Variants in AIFM3 observed in about 807,000 individuals in gnomAD.
AIFM3 encodes AIF family member 3.
Under a neutral mutation model 82.7 loss-of-function variants are expected in AIFM3, and 71 were observed. That is an observed-to-expected ratio of 0.86 (90% CI 0.71 to 1.05). The LOEUF is 1.05. AIFM3 is among the 50% of genes least tolerant of loss of function. AIFM3 has a pLI of 0.00. For synonymous variants in AIFM3, 337 were observed against 329.1 expected (o/e 1.02, Z -0.26); for missense variants, 748 against 816.7 (o/e 0.92, Z 1.03).
intron 18 of AIFM3, 153 bp downstream of exon 18, chr22:20,979,855 G>A (rs1156834909): frequency 3.4e-6 from 4 of 1,177,268 alleles, no homozygotes; most frequent in Non-Finnish European, 4.8e-6. Context: ...GCTTGTGCAC[G>A]GTCAAGCCGC....
At chr22:20,971,495 G>C (rs562413755) in intron 2 of AIFM3, among the ~76,000 whole-genome samples, 33 of 152,220 alleles carry the variant, frequency 2.2e-4, no homozygotes, top group Non-Finnish European at 3.8e-4. Flanking sequence ...GGGCTGGGCA[G>C]CCAGGAGAGG....
chr22:20,968,043 CCCT>C, intron 2 of AIFM3, 68 bp downstream of exon 2: 1 of 1,489,356 alleles, frequency 6.7e-7, no homozygotes, highest in Non-Finnish European at 9.1e-7. Context: ...CGTCTCCCCC[CCCT>C]CCCCCTCTGC....
chr22:20,980,936 C>T, intron 20 of AIFM3, 56 bp from the exon 21 acceptor site: 1 of 1,613,614 alleles, frequency 6.2e-7, no homozygotes, highest in Non-Finnish European at 8.5e-7. Context: ...TCAGGGTGCC[C>T]AGAGTGGAGA....
In AIFM3 at chr22:20,974,619, C is replaced by T; in HGVS notation, c.605C>T (p.Ala202Val). 1.2e-6 allele frequency: 2 copies of T among 1,613,526 alleles called. No individual in the cohort carries two copies. The highest frequency in any genetic ancestry group is 1.7e-6 in the Non-Finnish European group (2 of 1,179,782). ...AGCACCAATGTGCTCATTGTGGGTG[C>T]AGGTTGGTAGTGGGGTCATGAGGGG... Reference protein sequence around the residue: ...SSSTNVLIVGAGAAGLVCAET... With the variant: ...SSSTNVLIVGVGAAGLVCAET... Residue 202 changes from alanine (A) to valine (V), a missense_variant and splice_region_variant, in exon 7 of 21, where the codon GCA (alanine) becomes GTA (valine). Physicochemically the swap from Ala to Val is moderately conservative, Grantham distance 64 (BLOSUM62 0). This residue lies in a region of AIFM3 where 393 missense variants were observed against 481.1 expected (regional missense o/e 0.82). Transcript: ENST00000440238.
At chr22:20,979,129 G>A (rs1723593560) in intron 16 of AIFM3, 142 bp from the exon 17 acceptor site, 7 of 830,742 alleles carry the variant, frequency 8.4e-6, no homozygotes, top group Non-Finnish European at 1.4e-5. Context: ...GTGAGCAGTG[G>A]GCTGAACAAT....
intron 3 of AIFM3, 116 bp downstream of exon 3, chr22:20,973,636 G>T (rs1923422175): frequency 1.4e-6 from 2 of 1,400,206 alleles, no homozygotes; most frequent in Non-Finnish European, 1.9e-6. Context: ...TGCTGCCCTG[G>T]TCACTGCCTT....
intron 2 of AIFM3, 61 bp from the exon 3 acceptor site, chr22:20,973,246 T>C (rs758353970): frequency 1.9e-6 from 3 of 1,539,232 alleles, no homozygotes; most frequent in African/African-American, 2.7e-5. Context: ...TGCACCCAGC[T>C]TGAGGGATGG....
rs376685162 is a variant in AIFM3, at chr22:20,976,179, T to C, written c.808-36T>C. 7.1e-6 allele frequency: 10 copies of C among 1,416,824 alleles called. No individual in the cohort carries two copies. The Admixed American group carries it at 1.1e-4, about 16-fold the overall frequency. The allele number at this position is 1,416,824 out of a possible 1,614,324, so 87.8% of individuals were successfully genotyped here. ...GAGTGGGCGGCGAGGCCCAGCCCCA[T>C]GCCCAAGCTCATGCTCTGCCTGGTG... On this transcript the variant is annotated intron_variant, in intron 9 of 20. Transcript: ENST00000440238.
chr22:20,974,477 T>G (rs1923496674), intron 6 of AIFM3, 48 bp from the exon 7 acceptor site: 2 of 1,586,498 alleles, frequency 1.3e-6, no homozygotes, highest in African/African-American at 2.7e-5. Flanking sequence ...GCCAGGATGA[T>G]GGCATGCAGA....
At chr22:20,976,033 G>A (rs1923624837) in intron 9 of AIFM3, among the ~76,000 whole-genome samples, 182 bp from the exon 10 acceptor site, 1 of 152,260 alleles carries the variant, frequency 6.6e-6, no homozygotes, top group Non-Finnish European at 1.5e-5. Context: ...GGAGGGTAAG[G>A]AGAGGTTTGA....
Position 20,980,120 on chromosome 22 carries a change from G to C in AIFM3, c.1753G>C (p.Val585Leu). The change falls in exon 19 of 21, where the codon GTG becomes CTG. Residue 585 changes from valine to leucine, a missense_variant. By Grantham distance (32) the Val-to-Leu change is conservative. Coordinates refer to ENST00000440238, the MANE Select transcript of AIFM3 (RefSeq NM_001386814.1). ...AGGCCGTGCCATCCGGAAGCGGGAG[G>C]TGGAGTGAGTGTGGGTGTGGGAAGC... Reference protein sequence around the residue: ...ASGRAIRKREVELFVLHSKTG... With the variant: ...ASGRAIRKRELELFVLHSKTG... 1 of 1,606,828 alleles carries C rather than the reference G, an allele frequency of 6.2e-7. No homozygotes were observed. Among genetic ancestry groups the C allele is most frequent in the Non-Finnish European group, 8.5e-7 (1 of 1,179,916 alleles).
intron 17 of AIFM3, 26 bp downstream of exon 17, chr22:20,979,395 C>T: frequency 4.2e-6 from 2 of 472,670 alleles, no homozygotes; most frequent in Non-Finnish European, 2.9e-6. Flanking sequence ...CGGATGGGGG[C>T]GGGGCCGAGG....
In AIFM3 at chr22:20,967,863, C is replaced by T. The variant is rs759899458; in HGVS notation, c.-82C>T. On this transcript the variant is annotated 5_prime_UTR_variant, in exon 2 of 21. Coordinates refer to ENST00000440238, the MANE Select transcript of AIFM3 (RefSeq NM_001386814.1). ...AGCGTCTCTAAGGCCTGCAGGGGGT[C>T]CAGCCCCATGGGGGGCGCCCTAGGC... is the stretch of plus-strand genomic sequence containing the variant. 3 of 1,514,676 alleles carry T rather than the reference C, an allele frequency of 2.0e-6. No homozygotes were observed. Among genetic ancestry groups the T allele is most frequent in the Non-Finnish European group, 2.7e-6 (3 of 1,091,260 alleles). The allele number at this position is 1,514,676 out of a possible 1,614,324, so 93.8% of individuals were successfully genotyped here.
In AIFM3 at chr22:20,981,156, G is replaced by A. The variant is rs772857822; in HGVS notation, c.*125G>A. 4.1e-5 allele frequency: 56 copies of A among 1,369,680 alleles called. No homozygotes were observed. Among genetic ancestry groups the A allele is most frequent in the Non-Finnish European group, 5.1e-5 (51 of 993,080 alleles). 84.8% of individuals were successfully genotyped at this position (1,369,680 alleles called of 1,614,324 possible). ...CAGAACCTGAGCCCTCCCAGTGCTT[G>A]CCTTCAGCCACCTGGCTCCCCTCCT... On this transcript the variant is annotated 3_prime_UTR_variant, in exon 21 of 21. Coordinates refer to ENST00000440238, the MANE Select transcript of AIFM3 (RefSeq NM_001386814.1).
intron 17 of AIFM3, 34 bp downstream of exon 17, chr22:20,979,403 AG>A: frequency 1.8e-6 from 1 of 569,996 alleles, no homozygotes; most frequent in East Asian, 1.7e-4. Flanking sequence ...GGCGGGGCCG[AG>A]GGCGTTTAGG....
intron 2 of AIFM3, among the ~76,000 whole-genome samples, chr22:20,968,332 G>A (rs1272379974): frequency 6.6e-6 from 1 of 152,178 alleles, no homozygotes; most frequent in African/African-American, 2.4e-5. Flanking sequence ...GACACGCTCA[G>A]CCACTCTGTG....
At chr22:20,965,220 CCCGGGGACCCTGGTCCCCGGAACCCCG>C (rs1922796724), upstream of AIFM3, 2 of 150,304 alleles carry the variant, frequency 1.3e-5, no homozygotes, top group East Asian at 3.9e-4. Flanking sequence ...GAGCGCCCGC[CCCGGGGACCCTGGTCCCCGGAACCCCG>C]GTCCCCGCCC....
chr22:20,965,217 C>G (rs1305178872), upstream of AIFM3: 2 of 149,842 alleles, frequency 1.3e-5, no homozygotes, highest in African/African-American at 2.4e-5. Flanking sequence ...GGTGAGCGCC[C>G]GCCCCGGGGA....
At position 20,971,860 on chromosome 22, in the gene AIFM3, T is replaced by C. The variant is rs1923284809; in HGVS notation, c.32-1447T>C. ...TATCCCAGGCACATCACAGGGAATTTGGAAAATGTGCAAAAGTATAAAGAA... is the reference window on the plus strand; with the variant it reads ...TATCCCAGGCACATCACAGGGAATTCGGAAAATGTGCAAAAGTATAAAGAA... On this transcript the variant is annotated intron_variant, in intron 2 of 20. Transcript: ENST00000440238. Among the ~76,000 whole-genome samples, 3 of 152,096 alleles carry C rather than the reference T, an allele frequency of 2.0e-5. No individual in the cohort carries two copies. The East Asian group carries it at 5.8e-4, about 29-fold the overall frequency.
Sources: allele counts gnomAD v4.1 joint callset (sites outside exome capture counted in the v4.1 genomes callset), GRCh38; gene constraint gnomAD v4.1.1; regional missense constraint gnomAD v4.1.1; transcripts MANE v1.5; gene names NCBI Gene and HGNC (gene_info 2026-07-23, HGNC 2026-07-21).